Variants in SGCD observed in about 807,000 individuals in gnomAD.
SGCD encodes the protein delta-sarcoglycan.
A neutral mutation model predicts 36.6 loss-of-function variants in SGCD; 18 were observed. That is an observed-to-expected ratio of 0.49 (90% CI 0.34 to 0.73). SGCD has a LOEUF of 0.73. SGCD is among the 30% of genes least tolerant of loss of function. The probability of loss-of-function intolerance (pLI) is 0.01; values close to 1 mark genes in which losing one functional copy is unlikely to be tolerated. For synonymous variants in SGCD, 133 were observed against 130.6 expected, an observed-to-expected ratio of 1.02 and a Z score of -0.12; for missense variants, 387 against 346.7, an observed-to-expected ratio of 1.12 and a Z score of -0.92.
At chr5:155,993,696 T>C (rs1366606777) in intron 1 of SGCD, among the ~76,000 whole-genome samples, 1 of 152,074 alleles carries the variant, frequency 6.6e-6, no homozygotes, top group African/African-American at 2.4e-5. Flanking sequence ...ACACGTCTAG[T>C]AGTTGATGTT....
At chr5:155,890,945 T>A (rs947626204) in intron 1 of SGCD, among the ~76,000 whole-genome samples, 5 of 152,084 alleles carry the variant, frequency 3.3e-5, no homozygotes, top group African/African-American at 1.2e-4. Flanking sequence ...AGAAACTGAT[T>A]ATCAGCCTCA....
At chr5:156,025,459 G>T (rs1759207758) in intron 1 of SGCD, among the ~76,000 whole-genome samples, 1 of 152,182 alleles carries the variant, frequency 6.6e-6, no homozygotes. Flanking sequence ...TTTCATGTTT[G>T]CCAGACTTTG....
At chr5:156,097,186 CT>C (rs1761400181) in intron 1 of SGCD, among the ~76,000 whole-genome samples, 1 of 151,444 alleles carries the variant, frequency 6.6e-6, no homozygotes, top group Non-Finnish European at 1.5e-5. Context: ...TTCTGGTTTT[CT>C]CTAGGTTTAC....
chr5:156,261,082 T>C (rs1274833074), intron 3 of SGCD, among the ~76,000 whole-genome samples: 1 of 152,176 alleles, frequency 6.6e-6, no homozygotes, highest in African/African-American at 2.4e-5. Flanking sequence ...TGTGAAGATT[T>C]TGTGTCTATG....
chr5:156,682,114 T>G (rs1753744382), intron 7 of SGCD, among the ~76,000 whole-genome samples: 1 of 152,218 alleles, frequency 6.6e-6, no homozygotes, highest in African/African-American at 2.4e-5. Flanking sequence ...GGAACTGACT[T>G]GGTAAGGATC....
At chr5:155,806,051 T>C in the SGCD span, among the ~76,000 whole-genome samples, 1 of 152,184 alleles carries the variant, frequency 6.6e-6, no homozygotes, top group African/African-American at 2.4e-5. Context: ...TCCACTGATG[T>C]CTTGAGTGTG....
chr5:156,235,079 C>G lies in SGCD; in HGVS notation c.-43-94455C>G, dbSNP rs113114112. On this transcript the variant is annotated intron_variant, in intron 3 of 9. Coordinates refer to the SGCD transcript ENST00000517913. ...ATTGCCTATAAATCAAAGTCTAGAG[C>G]CTGATAATGTATGCTTTCCCCCTTC... Among the ~76,000 whole-genome samples the G allele has an allele frequency of 3.3e-3, 495 of 152,178 alleles. 3 individuals are homozygous for G. The highest frequency in any genetic ancestry group is 0.011 in the African/African-American group (465 of 41,520).
intron 7 of SGCD, among the ~76,000 whole-genome samples, chr5:156,716,039 C>G (rs1355694856): frequency 6.6e-6 from 1 of 152,164 alleles, no homozygotes; most frequent in Non-Finnish European, 1.5e-5. Flanking sequence ...ATTGCCGAAA[C>G]TATATTTAGT....
chr5:156,050,630 C>G (rs1759892681), intron 1 of SGCD, among the ~76,000 whole-genome samples: 1 of 146,402 alleles, frequency 6.8e-6, no homozygotes, highest in Admixed American at 6.8e-5. Flanking sequence ...TAAAGCACCA[C>G]AAATGCAGTG....
At chr5:156,381,914 G>C (rs1368565422) in intron 3 of SGCD, among the ~76,000 whole-genome samples, 1 of 152,110 alleles carries the variant, frequency 6.6e-6, no homozygotes, top group Non-Finnish European at 1.5e-5. Flanking sequence ...TTCCTCCTAT[G>C]GGTGTTAGAT....
intron 7 of SGCD, among the ~76,000 whole-genome samples, chr5:156,705,771 T>C (rs937744884): frequency 6.6e-6 from 1 of 152,164 alleles, no homozygotes; most frequent in Non-Finnish European, 1.5e-5. Flanking sequence ...TGAGTTTCTT[T>C]GTCAGGACTC....
At chr5:155,731,143 G>T in the SGCD span, among the ~76,000 whole-genome samples, 1 of 152,004 alleles carries the variant, frequency 6.6e-6, no homozygotes, top group Non-Finnish European at 1.5e-5. Context: ...GGACAGAGGG[G>T]CAGAAAGAGA....
At chr5:156,297,571 A>G (rs1013029371) in intron 3 of SGCD, among the ~76,000 whole-genome samples, 1 of 139,850 alleles carries the variant, frequency 7.2e-6, no homozygotes, top group African/African-American at 2.7e-5. Flanking sequence ...TCTCACTCAT[A>G]GGTGGGAATT....
intron 4 of SGCD, among the ~76,000 whole-genome samples, chr5:156,571,865 C>T (rs1023308249): frequency 6.6e-6 from 1 of 152,194 alleles, no homozygotes; most frequent in Non-Finnish European, 1.5e-5. Flanking sequence ...TTCCATGATG[C>T]TTTTTATTAC....
At chr5:156,491,830 A>T (rs1755956996) in intron 3 of SGCD, among the ~76,000 whole-genome samples, 1 of 152,116 alleles carries the variant, frequency 6.6e-6, no homozygotes, top group African/African-American at 2.4e-5. Context: ...GATCAAGATT[A>T]CCCTGAGCTC....
intron 3 of SGCD, among the ~76,000 whole-genome samples, chr5:156,236,006 G>A (rs1218032113): frequency 1.3e-5 from 2 of 152,110 alleles, no homozygotes; most frequent in Non-Finnish European, 2.9e-5. Flanking sequence ...TTTGTCTTAT[G>A]AAAAGAAAAG....
chr5:156,154,416 A>G (rs930343332), intron 3 of SGCD, among the ~76,000 whole-genome samples: 10 of 151,710 alleles, frequency 6.6e-5, no homozygotes, highest in African/African-American at 2.4e-4. Flanking sequence ...TATCTGAGAA[A>G]TATATTTGCT....
intron 3 of SGCD, among the ~76,000 whole-genome samples, chr5:156,198,480 G>A (rs1343009432): frequency 1.3e-5 from 2 of 152,114 alleles, no homozygotes; most frequent in African/African-American, 4.8e-5. Context: ...TCCCTGCTGT[G>A]TAGAGAAGGA....
intron 3 of SGCD, among the ~76,000 whole-genome samples, chr5:156,352,654 A>G (rs1277743224): frequency 6.6e-6 from 1 of 152,202 alleles, no homozygotes; most frequent in African/African-American, 2.4e-5. Context: ...GTCACTTGTG[A>G]TCATGTAAGA....
Sources: gnomAD v4.1 joint callset for allele counts (sites outside exome capture counted in the v4.1 genomes callset) on GRCh38, gnomAD v4.1.1 for gene constraint, MANE v1.5 for transcripts, NCBI Gene and HGNC (gene_info 2026-07-23, HGNC 2026-07-21) for gene names.